TSPO: variants seen among roughly 807,000 people sequenced by gnomAD.
TSPO encodes the protein translocator protein.
Under a neutral mutation model 13.9 loss-of-function variants are expected in TSPO, and 14 were observed. That is an observed-to-expected ratio of 1.01 (90% CI 0.67 to 1.58). The LOEUF is 1.58. Among genes scored for constraint, TSPO ranks in the 40% most tolerant of loss-of-function variants. TSPO has a pLI of 0.00. For missense variants in TSPO, 232 were observed against 229.6 expected (o/e 1.01, Z -0.07); for synonymous variants, 114 against 105.9 (o/e 1.08, Z -0.47).
In TSPO at chr22:43,159,328, T is replaced by G; in HGVS notation, c.90T>G (p.Gly30=). ...FVGSRFVHGE[G]LRWYAGLQKP... is the part of the protein sequence containing the mutation. ...GCTCCCGCTTTGTCCACGGCGAGGG[T>G]CTCCGCTGGTACGCCGGCCTGCAGA... Residue 30 remains glycine, a synonymous_variant, in exon 2 of 4, where the codon GGT becomes GGG. Transcript: ENST00000337554. 6.5e-7 allele frequency: 1 copy of G among 1,548,514 alleles called. No individual in the cohort carries two copies. The highest frequency in any genetic ancestry group is 8.7e-7 in the Non-Finnish European group (1 of 1,146,546).
intron 3 of TSPO, among the ~76,000 whole-genome samples, chr22:43,162,369 G>A (rs1302346747): frequency 2.0e-5 from 3 of 152,168 alleles, no homozygotes; most frequent in South Asian, 2.1e-4. Flanking sequence ...TGATCCACCC[G>A]TCTCAGCCTC....
intron 1 of TSPO, among the ~76,000 whole-genome samples, chr22:43,153,751 A>G (rs1345797969): frequency 6.6e-6 from 1 of 151,246 alleles, no homozygotes; most frequent in Non-Finnish European, 1.5e-5. Flanking sequence ...CCACTAGACC[A>G]CTAGGGAAGT....
chr22:43,162,814 TCTC>T lies in TSPO; in HGVS notation c.336_338del (p.Leu114del). 6.3e-7 allele frequency: 1 copy of T among 1,584,858 alleles called. No individual in the cohort carries two copies. Among genetic ancestry groups the T allele is most frequent in the African/African-American group, 1.3e-5 (1 of 74,570 alleles). Reference sequence around the variant, plus strand: ...CCCAATCTCTGCAGGCCTTGGTGGATCTCCTGCTGGTCAGTGGGGCGGCGGCAG... The same window carrying T: ...CCCAATCTCTGCAGGCCTTGGTGGATCTGCTGGTCAGTGGGGCGGCGGCAG... On this transcript the variant is annotated inframe_deletion, in exon 4 of 4. Coordinates refer to ENST00000337554, the MANE Select transcript of TSPO (RefSeq NM_000714.6).
intron 1 of TSPO, among the ~76,000 whole-genome samples, chr22:43,154,324 T>A (rs759952816): frequency 6.6e-6 from 1 of 151,984 alleles, no homozygotes; most frequent in Non-Finnish European, 1.5e-5. Flanking sequence ...TTATTGTGTT[T>A]CTGGGTCGCC....
chr22:43,162,949 G>T lies in TSPO; in HGVS notation c.468G>T (p.Arg156=), dbSNP rs1156335947. The part of the protein sequence containing the change: ...FTTTLNYCVW[R]DNHGWRGGRR... The stretch of plus-strand genomic sequence containing the variant: ...CCACACTCAACTACTGCGTATGGCG[G>T]GACAACCATGGCTGGCGTGGGGGAC... The change falls in exon 4 of 4, where the codon CGG becomes CGT. Residue 156 remains arginine, a synonymous_variant. Coordinates refer to ENST00000337554, the MANE Select transcript of TSPO (RefSeq NM_000714.6). The T allele has an allele frequency of 6.3e-7, 1 of 1,597,078 alleles. No individual in the cohort carries two copies. The highest frequency in any genetic ancestry group is 2.3e-5 in the East Asian group (1 of 43,876).
intron 3 of TSPO, 50 bp from the exon 4 acceptor site, chr22:43,162,753 T>C (rs1158759263): frequency 6.7e-7 from 1 of 1,482,212 alleles, no homozygotes; most frequent in Admixed American, 2.3e-5. Context: ...GGCACTTGGG[T>C]GAACGCGGTG....
At chr22:43,162,472 G>A (rs1055741508) in intron 3 of TSPO, among the ~76,000 whole-genome samples, 20 of 152,170 alleles carry the variant, frequency 1.3e-4, no homozygotes, top group African/African-American at 4.1e-4. Context: ...GGTCAGCATC[G>A]CTCTCAGTGG....
intron 1 of TSPO, among the ~76,000 whole-genome samples, chr22:43,152,525 G>C (rs1365084206): frequency 6.6e-6 from 1 of 152,266 alleles, no homozygotes. Context: ...GCGAGGCCCG[G>C]CGTCTCTGTG....
intron 1 of TSPO, among the ~76,000 whole-genome samples, chr22:43,157,908 T>C (rs1324472247): frequency 6.6e-6 from 1 of 152,238 alleles, no homozygotes; most frequent in Non-Finnish European, 1.5e-5. Context: ...TGTTATATTC[T>C]GCTTTCTTCG....
chr22:43,160,574 TC>T (rs1931403693), intron 2 of TSPO, among the ~76,000 whole-genome samples: 1 of 152,062 alleles, frequency 6.6e-6, no homozygotes, highest in Non-Finnish European at 1.5e-5. Flanking sequence ...TGTTAACAGC[TC>T]CCATGATCAG....
At chr22:43,156,533 CA>C (rs901089313) in intron 1 of TSPO, among the ~76,000 whole-genome samples, 1 of 84,916 alleles carries the variant, frequency 1.2e-5, no homozygotes, top group African/African-American at 4.7e-5. Context: ...TGCTGGCGGC[CA>C]GGGGTGGGAG....
rs566580110 is a variant in TSPO, at chr22:43,159,332, C to T, written c.94C>T (p.Arg32Cys). Residue 32 changes from arginine to cysteine, a missense_variant, in exon 2 of 4, where the codon CGC (arginine) becomes TGC (cysteine). Transcript: ENST00000337554. ...CCGCTTTGTCCACGGCGAGGGTCTCCGCTGGTACGCCGGCCTGCAGAAGCC... is the reference window on the plus strand; with the variant it reads ...CCGCTTTGTCCACGGCGAGGGTCTCTGCTGGTACGCCGGCCTGCAGAAGCC... ...GSRFVHGEGL[R>C]WYAGLQKPSW... The T allele has an allele frequency of 5.4e-5, 83 of 1,548,412 alleles. No individual in the cohort carries two copies. The highest frequency in any genetic ancestry group is 1.4e-4 in the South Asian group (12 of 83,914).
chr22:43,161,202 C>CA lies in TSPO; in HGVS notation c.321+13dup, dbSNP rs759688508. Reference sequence around the variant, plus strand: ...GACAAATGGGCTGGGTAAGTGTGGCCACAGCATGTGTCCCTGATCCCTGGA... The same window carrying CA: ...GACAAATGGGCTGGGTAAGTGTGGCCAACAGCATGTGTCCCTGATCCCTGGA... On this transcript the variant is annotated intron_variant, in intron 3 of 3. Coordinates refer to ENST00000337554, the MANE Select transcript of TSPO (RefSeq NM_000714.6). 2 of 1,608,640 alleles carry CA rather than the reference C, an allele frequency of 1.2e-6. No homozygotes were observed. The highest frequency in any genetic ancestry group is 3.4e-5 in the Admixed American group (2 of 59,416).
chr22:43,154,546 C>CGG lies in TSPO; in HGVS notation c.-30+2945_-30+2946dup, dbSNP rs9333319. 4.0e-4 allele frequency among the ~76,000 whole-genome samples: 60 copies of CGG among 151,458 alleles called. No individual in the cohort carries two copies. The East Asian group carries it at 9.0e-3, about 23-fold the overall frequency. On this transcript the variant is annotated intron_variant, in intron 1 of 3. Coordinates refer to ENST00000337554, the MANE Select transcript of TSPO (RefSeq NM_000714.6). ...GCTAGTTTTTTATTTTTAGTAGAGACGGGGTCTCACCATGTTGGCCAGGCT... is the reference window on the plus strand; with the variant it reads ...GCTAGTTTTTTATTTTTAGTAGAGACGGGGGGTCTCACCATGTTGGCCAGGCT...
intron 2 of TSPO, among the ~76,000 whole-genome samples, chr22:43,159,861 C>T (rs1007658269): frequency 1.3e-5 from 2 of 152,114 alleles, no homozygotes; most frequent in African/African-American, 4.8e-5. Flanking sequence ...AAGTGTGGAC[C>T]CCCCACAGCC....
chr22:43,154,245 G>T (rs1205768195), intron 1 of TSPO, among the ~76,000 whole-genome samples: 2 of 152,282 alleles, frequency 1.3e-5, no homozygotes, highest in East Asian at 3.9e-4. Context: ...GGCTTCGTTG[G>T]AGAGACAAGG....
intron 2 of TSPO, among the ~76,000 whole-genome samples, chr22:43,160,331 C>T (rs1483698867): frequency 6.6e-6 from 1 of 152,212 alleles, no homozygotes; most frequent in Non-Finnish European, 1.5e-5. Context: ...TAGTAGGTGA[C>T]AGCCGGGGCT....
chr22:43,151,737 G>A (rs1211284168), intron 1 of TSPO, 133 bp downstream of exon 1: 1 of 152,288 alleles, frequency 6.6e-6, no homozygotes, highest in African/African-American at 2.4e-5. Flanking sequence ...GGCGACCCGG[G>A]GCAGCACTTG....
At chr22:43,155,523 C>G (rs1173628085) in intron 1 of TSPO, among the ~76,000 whole-genome samples, 2 of 152,214 alleles carry the variant, frequency 1.3e-5, no homozygotes, top group Non-Finnish European at 2.9e-5. Flanking sequence ...CGTCACAGGT[C>G]CAAGCCTTGA....
Sources: allele counts gnomAD v4.1 joint callset (sites outside exome capture counted in the v4.1 genomes callset), GRCh38; gene constraint gnomAD v4.1.1; transcripts MANE v1.5; gene names NCBI Gene and HGNC (gene_info 2026-07-23, HGNC 2026-07-21).